Variants in MYT1L observed in about 807,000 individuals in gnomAD.
MYT1L encodes the protein myelin transcription factor 1-like protein.
MYT1L carries 12 observed loss-of-function variants against 126.7 expected under a neutral mutation model. The observed-to-expected ratio is 0.09, with a 90% CI of 0.06 to 0.15. The LOEUF (loss-of-function observed/expected upper bound fraction) is 0.15, where lower values mean the gene tolerates loss of function less well. Among genes scored for constraint, MYT1L ranks in the 10% least tolerant of loss-of-function variants. MYT1L has a pLI of 1.00. For synonymous variants in MYT1L, 541 were observed against 604.2 expected, an observed-to-expected ratio of 0.90 and a Z score of 1.53; for missense variants, 979 against 1,585.2, an observed-to-expected ratio of 0.62 and a Z score of 6.49.
In MYT1L at chr2:2,200,959, T is replaced by A. The variant is rs74705319; in HGVS notation, c.-420-27971A>T. Among the ~76,000 whole-genome samples the A allele has an allele frequency of 6.5e-3, 988 of 152,274 alleles. 10 individuals are homozygous for A. The highest frequency in any genetic ancestry group is 0.022 in the African/African-American group (931 of 41,548). ...ATGATCCACTTCAAGTAAATGAGCT[T>A]TTGGAGAAGTTAACAAAGCACATTA... On this transcript the variant is annotated intron_variant, in intron 2 of 24. Coordinates refer to ENST00000647738, the MANE Select transcript of MYT1L (RefSeq NM_001303052.2).
At position 1,801,563 on chromosome 2, in the gene MYT1L, G is replaced by T; in HGVS notation, c.3276+133C>A. On this transcript the variant is annotated intron_variant, in intron 23 of 24. Transcript: ENST00000647738. The surrounding 1 kb of genome is among the most constrained non-coding windows in gnomAD (Gnocchi z 4.2). ...TGTCTGCGGAAGACCAATATCATAAGGTGGAAAAATAAAGGAAATAAAAGA... is the reference window on the plus strand; with the variant it reads ...TGTCTGCGGAAGACCAATATCATAATGTGGAAAAATAAAGGAAATAAAAGA... The T allele has an allele frequency of 1.6e-6, 1 of 644,514 alleles. No homozygotes were observed. Among genetic ancestry groups the T allele is most frequent in the Non-Finnish European group, 2.7e-6 (1 of 365,648 alleles). 39.9% of individuals were successfully genotyped at this position (644,514 alleles called of 1,614,324 possible). A position where few individuals can be genotyped will look rare whatever the true frequency, so the allele number is the denominator to read the frequency against.
At chr2:2,075,578 G>A (rs992959596) in intron 3 of MYT1L, among the ~76,000 whole-genome samples, 2 of 152,186 alleles carry the variant, frequency 1.3e-5, no homozygotes, top group Non-Finnish European at 2.9e-5. Context: ...ACTCAACTGT[G>A]AGTTTCAAAC....
chr2:2,267,831 G>T (rs988862291), intron 2 of MYT1L, among the ~76,000 whole-genome samples: 1 of 152,054 alleles, frequency 6.6e-6, no homozygotes, highest in East Asian at 1.9e-4. Context: ...TAAAATCATG[G>T]AATGGACACC....
chr2:2,025,488 G>C (rs1482631930), intron 4 of MYT1L, among the ~76,000 whole-genome samples: 1 of 152,206 alleles, frequency 6.6e-6, no homozygotes, highest in East Asian at 1.9e-4. Flanking sequence ...GCATCTGTAA[G>C]AAACATACAG....
intron 3 of MYT1L, among the ~76,000 whole-genome samples, chr2:2,145,631 C>G (rs2084758736): frequency 6.8e-6 from 1 of 146,860 alleles, no homozygotes; most frequent in Admixed American, 6.7e-5. Context: ...AAAAAAAATA[C>G]ACACACACAA....
At chr2:2,168,551 A>C (rs1019602165) in intron 3 of MYT1L, among the ~76,000 whole-genome samples, 20 of 152,152 alleles carry the variant, frequency 1.3e-4, no homozygotes, top group African/African-American at 4.6e-4. Flanking sequence ...GCTGAGACTG[A>C]TATTTTTTGG....
intron 3 of MYT1L, among the ~76,000 whole-genome samples, chr2:2,085,225 C>G (rs1328493560): frequency 6.6e-6 from 1 of 152,188 alleles, no homozygotes; most frequent in Non-Finnish European, 1.5e-5. Context: ...GATTATTCTG[C>G]ACATGTGCTC....
At chr2:2,175,459 C>T (rs963816888) in intron 2 of MYT1L, among the ~76,000 whole-genome samples, 2 of 152,030 alleles carry the variant, frequency 1.3e-5, no homozygotes, top group African/African-American at 4.8e-5. Context: ...TTGTTTTTCA[C>T]CCTAAAAGCT....
chr2:1,892,369 C>T lies in MYT1L; in HGVS notation c.2033-82G>A, dbSNP rs190896269. On this transcript the variant is annotated intron_variant, in intron 14 of 24. Transcript: ENST00000647738. ...AGCACACGGCAGGGCCTGCCCGCCC[C>T]GGCCTCAGCCACACACAGCCGCGTG... is the stretch of plus-strand genomic sequence containing the variant. The T allele has an allele frequency of 1.6e-4, 240 of 1,487,218 alleles. 1 individual carries two copies. The East Asian group carries it at 5.5e-3, about 34-fold the overall frequency. The allele number at this position is 1,487,218 out of a possible 1,614,324, so 92.1% of individuals were successfully genotyped here.
chr2:2,289,939 T>C (rs2095574984), intron 1 of MYT1L, among the ~76,000 whole-genome samples: 1 of 152,122 alleles, frequency 6.6e-6, no homozygotes. Context: ...TCCCAGGAGA[T>C]GGAAGAAGGA....
At chr2:1,952,435 C>T (rs761762255) in intron 8 of MYT1L, among the ~76,000 whole-genome samples, 41 of 152,028 alleles carry the variant, frequency 2.7e-4, no homozygotes, top group African/African-American at 7.7e-4. Flanking sequence ...CATGTGGACG[C>T]GCATCTTGGA....
chr2:2,189,896 A>T (rs1175519057), intron 2 of MYT1L, among the ~76,000 whole-genome samples: 1 of 151,242 alleles, frequency 6.6e-6, no homozygotes, highest in Non-Finnish European at 1.5e-5. Context: ...TCAGGACCGC[A>T]CGGGGAGAAG....
chr2:1,962,026 C>T (rs891104924), intron 8 of MYT1L, among the ~76,000 whole-genome samples: 5 of 152,172 alleles, frequency 3.3e-5, no homozygotes, highest in Non-Finnish European at 7.3e-5. Flanking sequence ...ACTTGATCTC[C>T]ACGAATTACA....
At chr2:2,215,739 A>G (rs1256350648) in intron 2 of MYT1L, among the ~76,000 whole-genome samples, 1 of 152,216 alleles carries the variant, frequency 6.6e-6, no homozygotes, top group Non-Finnish European at 1.5e-5. Context: ...ATTATTTTCA[A>G]GTCCACAGTG....
rs1442647637 is a variant in MYT1L at position 1,943,146 on chromosome 2, T to C, written c.341A>G (p.Asn114Ser). The change falls in exon 9 of 25, where the codon AAT becomes AGT. Residue 114 changes from asparagine to serine, a missense_variant. Asn to Ser is a conservative substitution (Grantham distance 46). Around this residue, in one of 12 missense-constraint regions of MYT1L, gnomAD observed 111 missense variants for 115.9 expected, o/e 0.96. Transcript: ENST00000647738. This position sits in a 1 kb window ranked among gnomAD's most constrained non-coding sequence, Gnocchi z 4.4. ...CTCGTCCTCATCCCCTGGCTCATCA[T>C]TGTCCTCGGAGTACTCCTCCCCCTC... ...EDEGEEYSED[N>S]DEPGDEDEED... 2.0e-6 allele frequency: 3 copies of C among 1,529,428 alleles called. No individual in the cohort carries two copies. The East Asian group carries it at 7.4e-5, about 38-fold the overall frequency. 94.7% of individuals were successfully genotyped at this position (1,529,428 alleles called of 1,614,324 possible).
intron 18 of MYT1L, among the ~76,000 whole-genome samples, chr2:1,874,487 G>A (rs34847159): frequency 0.016 from 2,422 of 152,290 alleles, 39 homozygotes; most frequent in Non-Finnish European, 0.027. Flanking sequence ...CTGCTGTGGG[G>A]AGGGCCGTGG....
intron 2 of MYT1L, among the ~76,000 whole-genome samples, chr2:2,236,829 T>TCGCTC (rs2094333113): frequency 1.5e-5 from 2 of 135,216 alleles, no homozygotes; most frequent in African/African-American, 5.6e-5. Flanking sequence ...TTTTTTTTTT[T>TCGCTC]TTTGATGGAG....
intron 11 of MYT1L, among the ~76,000 whole-genome samples, chr2:1,914,526 C>T (rs1188231135): frequency 2.0e-5 from 3 of 152,122 alleles, no homozygotes; most frequent in Non-Finnish European, 1.5e-5. Context: ...AGGACGGTAT[C>T]CAGGTAGCCA....
At chr2:1,915,398 T>A (rs977825625) in intron 11 of MYT1L, among the ~76,000 whole-genome samples, 4 of 152,132 alleles carry the variant, frequency 2.6e-5, no homozygotes, top group South Asian at 2.1e-4. Flanking sequence ...GGGAGGCACC[T>A]GCAGCCGGCG....
Sources: allele counts gnomAD v4.1 joint callset (sites outside exome capture counted in the v4.1 genomes callset), GRCh38; gene constraint gnomAD v4.1.1; regional missense constraint gnomAD v4.1.1; non-coding constraint Gnocchi (gnomAD v3.1); transcripts MANE v1.5; gene names NCBI Gene and HGNC (gene_info 2026-07-23, HGNC 2026-07-21).